PTPRM: variants seen among roughly 807,000 people sequenced by gnomAD.
PTPRM encodes receptor-type tyrosine-protein phosphatase mu.
In PTPRM, 47 loss-of-function variants were observed where a neutral mutation model predicts 186.7. The ratio of observed to expected loss-of-function variants is 0.25; its 90% CI spans 0.20 to 0.32. PTPRM has a LOEUF of 0.32. PTPRM is among the 10% of genes least tolerant of loss of function. PTPRM has a pLI of 1.00. For synonymous variants in PTPRM, 668 were observed against 674.9 expected, an observed-to-expected ratio of 0.99 and a Z score of 0.16; for missense variants, 1,494 against 1,865.0, an observed-to-expected ratio of 0.80 and a Z score of 3.66.
intron 9 of PTPRM, among the ~76,000 whole-genome samples, chr18:8,077,556 G>T (rs1401192849): frequency 6.6e-6 from 1 of 152,100 alleles, no homozygotes; most frequent in Non-Finnish European, 1.5e-5. Flanking sequence ...CATTGTAAAA[G>T]AATTGAATAT....
chr18:8,362,373 C>T (rs2095602339), intron 23 of PTPRM, among the ~76,000 whole-genome samples: 1 of 152,224 alleles, frequency 6.6e-6, no homozygotes, highest in African/African-American at 2.4e-5. Flanking sequence ...CTACAGAAAA[C>T]CCATTCCTGT....
chr18:7,756,313 G>T (rs569761398), intron 1 of PTPRM, among the ~76,000 whole-genome samples: 57 of 152,304 alleles, frequency 3.7e-4, no homozygotes, highest in Admixed American at 2.4e-3. Flanking sequence ...GCCTAGTGCA[G>T]TGTATTGCCT....
chr18:8,392,348 G>T (rs1382035309), intron 31 of PTPRM, among the ~76,000 whole-genome samples: 1 of 152,134 alleles, frequency 6.6e-6, no homozygotes, highest in African/African-American at 2.4e-5. Flanking sequence ...CCCATGGCCG[G>T]GCGCGGTGGC....
chr18:8,264,605 C>A (rs1432877686), intron 19 of PTPRM, among the ~76,000 whole-genome samples: 6 of 151,878 alleles, frequency 4.0e-5, no homozygotes, highest in African/African-American at 9.7e-5. Context: ...GCTGTCTCTA[C>A]TAAAATACAA....
intron 1 of PTPRM, among the ~76,000 whole-genome samples, chr18:7,664,272 T>A (rs999794856): frequency 2.0e-5 from 3 of 152,106 alleles, no homozygotes; most frequent in African/African-American, 7.2e-5. Context: ...GGGTAGTGAG[T>A]GGCTGAGAAC....
intron 1 of PTPRM, among the ~76,000 whole-genome samples, chr18:7,619,283 T>C (rs1310822179): frequency 6.6e-6 from 1 of 152,188 alleles, no homozygotes; most frequent in Admixed American, 6.5e-5. Flanking sequence ...TGGGAGAAAC[T>C]CTGGAGCCCC....
chr18:7,818,257 A>G (rs1026334732), intron 2 of PTPRM, among the ~76,000 whole-genome samples: 3 of 152,206 alleles, frequency 2.0e-5, no homozygotes, highest in African/African-American at 7.2e-5. Context: ...TTAAGAAACT[A>G]GTATTAATTT....
At chr18:8,178,594 G>A (rs1055913697) in intron 14 of PTPRM, among the ~76,000 whole-genome samples, 1 of 152,012 alleles carries the variant, frequency 6.6e-6, no homozygotes, top group African/African-American at 2.4e-5. Context: ...GACCAGCCTG[G>A]CCAACATGGT....
chr18:8,069,080 A>AG (rs1238816061), intron 7 of PTPRM, among the ~76,000 whole-genome samples: 1 of 129,644 alleles, frequency 7.7e-6, no homozygotes, highest in Non-Finnish European at 1.5e-5. Context: ...ACTGCACTCC[A>AG]GCCTGGGTGA....
intron 9 of PTPRM, among the ~76,000 whole-genome samples, chr18:8,082,442 T>G (rs2090177123): frequency 6.6e-6 from 1 of 151,876 alleles, no homozygotes; most frequent in Non-Finnish European, 1.5e-5. Flanking sequence ...GTACTTTTTT[T>G]GTCCCAGTCT....
chr18:7,583,717 C>G (rs961652748), intron 1 of PTPRM, among the ~76,000 whole-genome samples: 1 of 152,170 alleles, frequency 6.6e-6, no homozygotes, highest in Non-Finnish European at 1.5e-5. Flanking sequence ...TGTCTTTTCT[C>G]TGGTTACAAA....
chr18:8,150,215 C>A (rs2092973999), intron 14 of PTPRM, among the ~76,000 whole-genome samples: 1 of 152,196 alleles, frequency 6.6e-6, no homozygotes, highest in Non-Finnish European at 1.5e-5. Context: ...GGGAAGTTCT[C>A]CTGGATAATA....
rs115728213 is a variant in PTPRM, at chr18:8,012,728, C to A, written c.1133-56958C>A. Among the ~76,000 whole-genome samples the A allele has an allele frequency of 7.9e-4, 120 of 152,230 alleles. 1 individual carries two copies. In the East Asian group the frequency reaches 0.021, roughly 27 times the overall value. ...TCATTTGAGACCACCGTCATATGTG[C>A]GGTTCATTATTATACAGCACATGTC... On this transcript the variant is annotated intron_variant, in intron 7 of 32. Coordinates refer to ENST00000580170, the MANE Select transcript of PTPRM (RefSeq NM_001105244.2).
At chr18:7,975,575 T>A (rs1413336764) in intron 7 of PTPRM, among the ~76,000 whole-genome samples, 2 of 152,230 alleles carry the variant, frequency 1.3e-5, no homozygotes, top group Non-Finnish European at 2.9e-5. Context: ...GAGGTCTGCA[T>A]ATAAGATGGT....
intron 14 of PTPRM, among the ~76,000 whole-genome samples, chr18:8,153,125 A>G (rs2093048449): frequency 6.6e-6 from 1 of 152,230 alleles, no homozygotes; most frequent in South Asian, 2.1e-4. Flanking sequence ...TGTAAGTCCT[A>G]AGGAACAATA....
In PTPRM at chr18:7,940,255, T is replaced by C. The variant is rs142022116; in HGVS notation, c.664-8926T>C. Reference sequence around the variant, plus strand: ...TAGGATGTACAAGGCATGGTTTATATGTTAAAGTTAGAGCAATAAAAACCA... The same window carrying C: ...TAGGATGTACAAGGCATGGTTTATACGTTAAAGTTAGAGCAATAAAAACCA... On this transcript the variant is annotated intron_variant, in intron 5 of 32. Transcript: ENST00000580170. Among the ~76,000 whole-genome samples the C allele has an allele frequency of 2.6e-3, 399 of 152,312 alleles. 3 individuals are homozygous for C. The highest frequency in any genetic ancestry group is 4.6e-3 in the Admixed American group (70 of 15,304).
intron 2 of PTPRM, among the ~76,000 whole-genome samples, chr18:7,804,384 G>T (rs1228555243): frequency 6.6e-6 from 1 of 152,310 alleles, no homozygotes; most frequent in Non-Finnish European, 1.5e-5. Context: ...GGAGTTAATA[G>T]TTGACTACCC....
At chr18:7,683,583 C>T (rs895514187) in intron 1 of PTPRM, among the ~76,000 whole-genome samples, 15 of 152,144 alleles carry the variant, frequency 9.9e-5, no homozygotes, top group Admixed American at 3.3e-4. Context: ...TAGAGAATGA[C>T]TTCCCAAAGT....
intron 2 of PTPRM, among the ~76,000 whole-genome samples, chr18:7,789,841 G>C (rs1211986307): frequency 2.6e-5 from 4 of 152,204 alleles, no homozygotes; most frequent in African/African-American, 9.6e-5. Context: ...AGAAATGGTT[G>C]TGTGTTGTTT....
Sources: gnomAD v4.1 joint callset for allele counts (sites outside exome capture counted in the v4.1 genomes callset) on GRCh38, gnomAD v4.1.1 for gene constraint, MANE v1.5 for transcripts, NCBI Gene and HGNC (gene_info 2026-07-23, HGNC 2026-07-21) for gene names.